The following MAPKAPK5 variants were observed in gnomAD, a reference collection of about 807,000 sequenced individuals.
MAPKAPK5 encodes the protein MAP kinase-activated protein kinase 5.
A neutral mutation model predicts 65.1 loss-of-function variants in MAPKAPK5; 30 were observed. The observed-to-expected ratio is 0.46, with a 90% confidence interval of 0.34 to 0.63. The LOEUF (loss-of-function observed/expected upper bound fraction) is 0.63, where lower values mean the gene tolerates loss of function less well. Ranked by LOEUF, MAPKAPK5 falls within the 20% of genes least tolerant of loss-of-function variation. The probability of loss-of-function intolerance (pLI) is 0.01; values close to 1 mark genes in which losing one functional copy is unlikely to be tolerated. For synonymous variants in MAPKAPK5, 179 were observed against 204.6 expected, an observed-to-expected ratio of 0.87 and a Z score of 1.07; for missense variants, 433 against 581.4, an observed-to-expected ratio of 0.74 and a Z score of 2.63.
chr12:111,860,242 G>A (rs1299373432), intron 1 of MAPKAPK5, among the ~76,000 whole-genome samples: 1 of 152,150 alleles, frequency 6.6e-6, no homozygotes, highest in Non-Finnish European at 1.5e-5. Flanking sequence ...ATGCTCTACT[G>A]CTGAGCTATA....
At position 111,848,672 on chromosome 12, in the gene MAPKAPK5, A is replaced by G. The variant is rs78867961; in HGVS notation, c.36+5903A>G. 4.2e-4 allele frequency among the ~76,000 whole-genome samples: 64 copies of G among 151,696 alleles called. No homozygotes were observed. The East Asian group carries it at 0.012, about 27-fold the overall frequency. Reference sequence around the variant, plus strand: ...AGGTGATTGCCCACCTTGGCCTCCAAAATGCTAGGATTATAGGCATGAGCC... The same window carrying G: ...AGGTGATTGCCCACCTTGGCCTCCAGAATGCTAGGATTATAGGCATGAGCC... On this transcript the variant is annotated intron_variant, in intron 1 of 13. Transcript: ENST00000550735.
In MAPKAPK5 at chr12:111,880,489, ATCATACCTACC is replaced by A. The variant is rs2070158006; in HGVS notation, c.626_636del (p.Ile209ThrfsTer11). On this transcript the variant is annotated frameshift_variant, in exon 8 of 14. Coordinates refer to ENST00000550735, the MANE Select transcript of MAPKAPK5 (RefSeq NM_003668.4). LOFTEE classifies it high-confidence loss of function. The stretch of plus-strand genomic sequence containing the variant: ...AAGGCATCAGAAGGAGAAATCTGGC[ATCATACCTACC>A]TCACCGACGCCCTACACTTACAACA... 1 of 1,613,766 alleles carries A rather than the reference ATCATACCTACC, an allele frequency of 6.2e-7. No individual in the cohort carries two copies. Among genetic ancestry groups the A allele is most frequent in the Admixed American group, 1.7e-5 (1 of 59,982 alleles).
intron 10 of MAPKAPK5, among the ~76,000 whole-genome samples, chr12:111,886,725 A>C (rs1420007230): frequency 1.3e-5 from 2 of 152,198 alleles, no homozygotes; most frequent in Non-Finnish European, 2.9e-5. Context: ...AAGTGGACAG[A>C]GGGGTTTAAG....
intron 8 of MAPKAPK5, among the ~76,000 whole-genome samples, chr12:111,882,432 A>T (rs1039182392): frequency 6.6e-6 from 1 of 152,182 alleles, no homozygotes; most frequent in African/African-American, 2.4e-5. Flanking sequence ...TTCAGCCTTT[A>T]TGCAGAGCAC....
intron 13 of MAPKAPK5, 27 bp from the exon 14 acceptor site, chr12:111,892,940 C>G (rs2070669608): frequency 1.3e-6 from 2 of 1,516,514 alleles, no homozygotes; most frequent in Non-Finnish European, 1.8e-6. Flanking sequence ...AATTTGAGGA[C>G]TGACCTTGTT....
At chr12:111,863,348 T>C (rs540412088) in intron 1 of MAPKAPK5, among the ~76,000 whole-genome samples, 8 of 152,312 alleles carry the variant, frequency 5.3e-5, no homozygotes, top group African/African-American at 1.9e-4. Context: ...TCCATAGTTA[T>C]TTACTGTATG....
intron 8 of MAPKAPK5, among the ~76,000 whole-genome samples, chr12:111,881,353 C>T (rs546935041): frequency 6.8e-4 from 101 of 149,114 alleles, no homozygotes; most frequent in Admixed American, 8.8e-4. Context: ...GGATTACAGG[C>T]GTGAGCCACC....
chr12:111,888,145 C>T (rs2070474566), intron 10 of MAPKAPK5: 1 of 245,154 alleles, frequency 4.1e-6, no homozygotes, highest in Non-Finnish European at 8.0e-6. Flanking sequence ...TCTTGGGCAG[C>T]AGCCTGCCAG....
chr12:111,886,893 A>G (rs1046035450), intron 10 of MAPKAPK5, among the ~76,000 whole-genome samples: 1 of 152,174 alleles, frequency 6.6e-6, no homozygotes, highest in African/African-American at 2.4e-5. Flanking sequence ...GGGAGCAGAG[A>G]AGTAGAGGTG....
At chr12:111,843,180 A>G (rs2068783329) in intron 1 of MAPKAPK5, 3 of 398,540 alleles carry the variant, frequency 7.5e-6, no homozygotes, top group African/African-American at 4.1e-5. Context: ...TTTGTTTGAA[A>G]TCAGCCTTCT....
chr12:111,845,173 G>A lies in MAPKAPK5; in HGVS notation c.36+2404G>A, dbSNP rs960377607. ...AGAGTCTCACTCTGTCACCCAGGCT[G>A]GAGTGCAGTGGTGTGATCTCGGCTC... On this transcript the variant is annotated intron_variant, in intron 1 of 13. Coordinates refer to ENST00000550735, the MANE Select transcript of MAPKAPK5 (RefSeq NM_003668.4). Among the ~76,000 whole-genome samples, 10 of 152,170 alleles carry A rather than the reference G, an allele frequency of 6.6e-5. No individual in the cohort carries two copies. In the East Asian group the frequency reaches 1.7e-3, roughly 26 times the overall value.
Position 111,895,194 on chromosome 12 carries a change from T to G in MAPKAPK5, c.*2133T>G, listed in dbSNP as rs2070759344. 6.7e-6 allele frequency: 1 copy of G among 149,216 alleles called. No homozygotes were observed. The highest frequency in any genetic ancestry group is 6.7e-5 in the Admixed American group (1 of 14,872). The allele number at this position is 149,216 out of a possible 1,614,324, so 9.2% of individuals were successfully genotyped here. A position where few individuals can be genotyped will look rare whatever the true frequency, so the allele number is the denominator to read the frequency against. On this transcript the variant is annotated 3_prime_UTR_variant, in exon 14 of 14. Coordinates refer to ENST00000550735, the MANE Select transcript of MAPKAPK5 (RefSeq NM_003668.4). The stretch of plus-strand genomic sequence containing the variant: ...TCACTGCAAGCTCTGCCTCCCAGGT[T>G]CACACCATTCTCCTACCTCAGCCTC...
chr12:111,880,061 T>G (rs889569204), intron 7 of MAPKAPK5: 12 of 261,360 alleles, frequency 4.6e-5, no homozygotes, highest in Non-Finnish European at 7.6e-5. Flanking sequence ...ACTTAACACC[T>G]AGACTGACAT....
rs1213519352 is a variant in MAPKAPK5 at position 111,871,153 on chromosome 12, G to T, written c.552G>T (p.Gln184His). The T allele has an allele frequency of 6.2e-7, 1 of 1,613,570 alleles. No homozygotes were observed. Among genetic ancestry groups the T allele is most frequent in the Non-Finnish European group, 8.5e-7 (1 of 1,179,796 alleles). Residue 184 changes from glutamine (Q) to histidine (H), a missense_variant, in exon 7 of 14, where the codon CAG becomes CAT. By Grantham distance (24) the Gln-to-His change is conservative. Transcript: ENST00000550735. ...ACCAAGGTGACTTGATGACACCCCA[G>T]TTCACCCCTTATTATGTAGCACCCC... The part of the protein sequence containing the change: ...KIDQGDLMTP[Q>H]FTPYYVAPQV...
At chr12:111,861,508 A>G (rs2069435267) in intron 1 of MAPKAPK5, among the ~76,000 whole-genome samples, 1 of 151,854 alleles carries the variant, frequency 6.6e-6, no homozygotes, top group Non-Finnish European at 1.5e-5. Flanking sequence ...TTTTATTTTT[A>G]GTAGAGATGG....
At chr12:111,871,428 C>A (rs756714451) in intron 7 of MAPKAPK5, among the ~76,000 whole-genome samples, 39 of 152,128 alleles carry the variant, frequency 2.6e-4, no homozygotes, top group Non-Finnish European at 4.6e-4. Context: ...ATTACAAGTT[C>A]AGGAGATGGA....
rs962547428 is a variant in MAPKAPK5, at chr12:111,898,872, A to C, written c.*5811A>C. On this transcript the variant is annotated 3_prime_UTR_variant, in exon 14 of 14. Coordinates refer to ENST00000550735, the MANE Select transcript of MAPKAPK5 (RefSeq NM_003668.4). ...ACCCCCTGACAGAATGTTGTGTTTCAAAGAATGAGCAGATTAATGGATATC... is the reference window on the plus strand; with the variant it reads ...ACCCCCTGACAGAATGTTGTGTTTCCAAGAATGAGCAGATTAATGGATATC... 2.9e-5 allele frequency: 4 copies of C among 139,784 alleles called. No homozygotes were observed. Among genetic ancestry groups the C allele is most frequent in the African/African-American group, 1.1e-4 (4 of 36,676 alleles). 8.7% of individuals were successfully genotyped at this position (139,784 alleles called of 1,614,324 possible).
At position 111,868,878 on chromosome 12, in the gene MAPKAPK5, T is replaced by C; in HGVS notation, c.393+17T>C. On this transcript the variant is annotated intron_variant, in intron 5 of 13. Coordinates refer to ENST00000550735, the MANE Select transcript of MAPKAPK5 (RefSeq NM_003668.4). ...ACAAAGCAGGCAAGTTAACCCCAGG[T>C]ACCAATCAAACTGCCACCAAAGTTG... The C allele has an allele frequency of 6.5e-7, 1 of 1,537,158 alleles. No individual in the cohort carries two copies. Among genetic ancestry groups the C allele is most frequent in the Non-Finnish European group, 8.8e-7 (1 of 1,140,956 alleles).
chr12:111,852,796 C>CA (rs2136076542), intron 1 of MAPKAPK5, among the ~76,000 whole-genome samples: 1 of 151,890 alleles, frequency 6.6e-6, no homozygotes, highest in Non-Finnish European at 1.5e-5. Context: ...TTTTTTGAGA[C>CA]AGAGTCTCAC....
Sources: allele counts gnomAD v4.1 joint callset (sites outside exome capture counted in the v4.1 genomes callset), GRCh38; gene constraint gnomAD v4.1.1; transcripts MANE v1.5; gene names NCBI Gene and HGNC (gene_info 2026-07-23, HGNC 2026-07-21).